Variants in NOL7 observed in about 807,000 individuals in gnomAD.
NOL7 encodes U3 small nucleolar RNA-associated protein NOL7.
A neutral mutation model predicts 38.4 loss-of-function variants in NOL7; 36 were observed. That is an observed-to-expected ratio of 0.94 (90% CI 0.72 to 1.24). NOL7 has a LOEUF of 1.24. Ranked by LOEUF, NOL7 falls within the 50% of genes most tolerant of loss-of-function variation. The probability of loss-of-function intolerance (pLI) is 0.00; values close to 1 mark genes in which losing one functional copy is unlikely to be tolerated. For synonymous variants in NOL7, 142 were observed against 126.5 expected, an observed-to-expected ratio of 1.12 and a Z score of -0.82; for missense variants, 350 against 315.1, an observed-to-expected ratio of 1.11 and a Z score of -0.84.
In NOL7 at chr6:13,615,431, G is replaced by A; in HGVS notation, c.73G>A (p.Ala25Thr). ...GGCGATGGTGGACGAGGGCCAGCTG[G>A]CCTCGGAGGAGGAGGAGGCGGAGCA... The part of the protein sequence containing the change: ...AEAMVDEGQL[A>T]SEEEEAEHGL... Residue 25 changes from alanine (A) to threonine (T), a missense_variant, in exon 1 of 8, where the codon GCC (alanine) becomes ACC (threonine). Ala to Thr is a moderately conservative substitution (Grantham distance 58, BLOSUM62 0). Transcript: ENST00000451315. The A allele has an allele frequency of 1.9e-6, 3 of 1,548,360 alleles. No individual in the cohort carries two copies. The highest frequency in any genetic ancestry group is 2.6e-6 in the Non-Finnish European group (3 of 1,146,262).
chr6:13,619,760 G>C (rs1165667819), intron 5 of NOL7, among the ~76,000 whole-genome samples: 2 of 152,190 alleles, frequency 1.3e-5, no homozygotes, highest in South Asian at 2.1e-4. Context: ...TAAAATATGA[G>C]TGTCTGTTTC....
At chr6:13,631,209 ACAG>A (rs1764771761) in intron 8 of NOL7, among the ~76,000 whole-genome samples, 1 of 152,180 alleles carries the variant, frequency 6.6e-6, no homozygotes. Flanking sequence ...ACCACTAGAA[ACAG>A]CAGTTTTTAT....
rs1298745664 is a variant in NOL7 at position 13,620,344 on chromosome 6, G to A, written c.622+15G>A. 6.2e-7 allele frequency: 1 copy of A among 1,613,646 alleles called. No individual in the cohort carries two copies. Among genetic ancestry groups the A allele is most frequent in the African/African-American group, 1.3e-5 (1 of 74,930 alleles). ...CAGGACTACTGGTAATTTTTTTATG[G>A]ACTATTTTTCTCACTTTTTACTGCA... On this transcript the variant is annotated intron_variant, in intron 6 of 7. Coordinates refer to ENST00000451315, the MANE Select transcript of NOL7 (RefSeq NM_016167.5).
rs1456980040 is a variant in NOL7 at position 13,620,405 on chromosome 6, T to C, written c.623-3T>C. 1.9e-6 allele frequency: 3 copies of C among 1,614,084 alleles called. No individual in the cohort carries two copies. Among genetic ancestry groups the C allele is most frequent in the East Asian group, 2.2e-5 (1 of 44,860 alleles). ...TGAAATGATAAATACCTTTCTTTTC[T>C]AGTAAATAAGTTCCTGTCTCTTGCC... On this transcript the variant is annotated splice_region_variant and splice_polypyrimidine_tract_variant and intron_variant, in intron 6 of 7. Coordinates refer to ENST00000451315, the MANE Select transcript of NOL7 (RefSeq NM_016167.5).
At chr6:13,629,921 CGTG>C (rs1448069757) in intron 8 of NOL7, among the ~76,000 whole-genome samples, 5 of 128,428 alleles carry the variant, frequency 3.9e-5, no homozygotes, top group African/African-American at 1.1e-4. Context: ...CTCTCTCTCT[CGTG>C]TGTGTGTGTG....
At chr6:13,622,484 T>G, downstream of NOL7, 1 of 1,565,912 alleles carries the variant, frequency 6.4e-7, no homozygotes, top group Non-Finnish European at 8.6e-7. Context: ...TTTGGCAGAT[T>G]GTGGGTTTCT....
intron 8 of NOL7, among the ~76,000 whole-genome samples, chr6:13,629,412 C>T (rs372759322): frequency 6.6e-6 from 1 of 152,120 alleles, no homozygotes; most frequent in South Asian, 2.1e-4. Flanking sequence ...GGAGTTAAGG[C>T]ACAAAACTGA....
intron 8 of NOL7, among the ~76,000 whole-genome samples, chr6:13,630,351 TATA>T (rs1036411323): frequency 6.6e-6 from 1 of 152,182 alleles, no homozygotes; most frequent in African/African-American, 2.4e-5. Flanking sequence ...GAATTGGCCA[TATA>T]ATGCCATCTT....
rs146094781 is a variant in NOL7, at chr6:13,618,206, C to T, written c.500+67C>T. On this transcript the variant is annotated intron_variant, in intron 5 of 7. Transcript: ENST00000451315. ...TTAAGAGAGTTAAAGTATTGGCTAA[C>T]ATGGGAAAATATTTTATTTTATTTT... is the stretch of plus-strand genomic sequence containing the variant. 1.2e-3 allele frequency: 689 copies of T among 553,880 alleles called. 3 individuals are homozygous for T. The African/African-American group carries it at 0.012, about 10-fold the overall frequency. The allele number at this position is 553,880 out of a possible 1,614,324, so 34.3% of individuals were successfully genotyped here. A position where few individuals can be genotyped will look rare whatever the true frequency, so the allele number is the denominator to read the frequency against.
downstream of NOL7, among the ~76,000 whole-genome samples, chr6:13,626,275 A>G (rs990973457): frequency 6.6e-6 from 1 of 152,180 alleles, no homozygotes; most frequent in African/African-American, 2.4e-5. Context: ...AGTATTTCCA[A>G]CTATCTCAAG....
rs1764429748 is a variant in NOL7 at position 13,621,027 on chromosome 6, T to TAATA, written c.*201_*204dup. The TAATA allele has an allele frequency of 7.9e-6, 3 of 380,836 alleles. No individual in the cohort carries two copies. The highest frequency in any genetic ancestry group is 8.3e-5 in the Admixed American group (2 of 24,102). 23.6% of individuals were successfully genotyped at this position (380,836 alleles called of 1,614,324 possible). On this transcript the variant is annotated 3_prime_UTR_variant, in exon 8 of 8. Coordinates refer to ENST00000451315, the MANE Select transcript of NOL7 (RefSeq NM_016167.5). ...GTTTAAGAAGGAATTGTTTTCTTTT[T>TAATA]AATATATTTAACTGAATTCAAGCCA...
chr6:13,622,228 G>T, downstream of NOL7: 1 of 872,498 alleles, frequency 1.1e-6, no homozygotes, highest in Non-Finnish European at 1.6e-6. Context: ...CTGTAAACTA[G>T]GAAGCAATGT....
intron 5 of NOL7, among the ~76,000 whole-genome samples, chr6:13,619,953 G>A (rs895929385): frequency 6.6e-6 from 1 of 152,080 alleles, no homozygotes; most frequent in African/African-American, 2.4e-5. Flanking sequence ...TCAGGAGTTC[G>A]AGACCAGCCT....
rs1329295037 is a variant in NOL7 at position 13,619,864 on chromosome 6, G to A, written c.501-344G>A. Among the ~76,000 whole-genome samples, 4 of 152,174 alleles carry A rather than the reference G, an allele frequency of 2.6e-5. No individual in the cohort carries two copies. In the South Asian group the frequency reaches 6.2e-4, roughly 24 times the overall value. On this transcript the variant is annotated intron_variant, in intron 5 of 7. Transcript: ENST00000451315. Reference sequence around the variant, plus strand: ...AGACAAATGATAAAAATATTTTAAAGTAAGCATGTAGCCTGGGCACGGTGG... The same window carrying A: ...AGACAAATGATAAAAATATTTTAAAATAAGCATGTAGCCTGGGCACGGTGG...
In NOL7 at chr6:13,618,048, T is replaced by A; in HGVS notation, c.419-10T>A. The stretch of plus-strand genomic sequence containing the variant: ...GAATGCTAATTAGAAAATGTAACTC[T>A]ATTTTTTAGTTAATTTGCAAAAGAA... On this transcript the variant is annotated splice_polypyrimidine_tract_variant and intron_variant, in intron 4 of 7. Transcript: ENST00000451315. 2 of 1,406,060 alleles carry A rather than the reference T, an allele frequency of 1.4e-6. No individual in the cohort carries two copies. Among genetic ancestry groups the A allele is most frequent in the African/African-American group, 2.9e-5 (2 of 69,852 alleles). 87.1% of individuals were successfully genotyped at this position (1,406,060 alleles called of 1,614,324 possible).
intron 2 of NOL7, among the ~76,000 whole-genome samples, chr6:13,616,056 C>G (rs572315261): frequency 1.3e-5 from 2 of 152,290 alleles, no homozygotes; most frequent in East Asian, 1.9e-4. Context: ...AGTTCGTCTC[C>G]TTTAGTGTCC....
chr6:13,624,113 T>C (rs190762244), downstream of NOL7, among the ~76,000 whole-genome samples: 20 of 152,314 alleles, frequency 1.3e-4, no homozygotes, highest in African/African-American at 4.6e-4. Flanking sequence ...ATATAACACA[T>C]TAACCAAAGA....
chr6:13,623,597 C>T (rs1285866067), downstream of NOL7, among the ~76,000 whole-genome samples: 2 of 152,122 alleles, frequency 1.3e-5, no homozygotes, highest in East Asian at 1.9e-4. Context: ...CAAACATCTA[C>T]AGGGAATATT....
In NOL7 at chr6:13,617,813, C is replaced by G; in HGVS notation, c.418+12C>G. 1 of 1,609,734 alleles carries G rather than the reference C, an allele frequency of 6.2e-7. No homozygotes were observed. Among genetic ancestry groups the G allele is most frequent in the Non-Finnish European group, 8.5e-7 (1 of 1,176,082 alleles). ...AAAGGTGAAAGAAGGTATGACTATT[C>G]TAATTTAACTAACTTCTCATGTAAG... On this transcript the variant is annotated intron_variant, in intron 4 of 7. Coordinates refer to ENST00000451315, the MANE Select transcript of NOL7 (RefSeq NM_016167.5).
Sources: gnomAD v4.1 joint callset for allele counts (sites outside exome capture counted in the v4.1 genomes callset) on GRCh38, gnomAD v4.1.1 for gene constraint, MANE v1.5 for transcripts, NCBI Gene and HGNC (gene_info 2026-07-23, HGNC 2026-07-21) for gene names.